NRG4: variants seen among roughly 807,000 people sequenced by gnomAD.
NRG4 encodes neuregulin 4, also known as pro-neuregulin-4, membrane-bound isoform.
In NRG4, 10 loss-of-function variants were observed where a neutral mutation model predicts 15.0. That is an observed-to-expected ratio of 0.67 (90% CI 0.41 to 1.13). The LOEUF is 1.13. NRG4 is among the 50% of genes most tolerant of loss of function. The pLI, the probability that NRG4 is intolerant of heterozygous loss-of-function variation, is 0.00. For missense variants in NRG4, 139 were observed against 140.2 expected (o/e 0.99, Z 0.04); for synonymous variants, 41 against 50.1 (o/e 0.82, Z 0.77).
intron 4 of NRG4, among the ~76,000 whole-genome samples, chr15:76,045,388 T>C (rs912998938): frequency 6.6e-6 from 1 of 150,800 alleles, no homozygotes; most frequent in African/African-American, 2.5e-5. Context: ...AAACTAAAAA[T>C]AGGGCTACCA....
chr15:75,980,155 C>A (rs2033547845), intron 3 of NRG4, among the ~76,000 whole-genome samples: 1 of 151,966 alleles, frequency 6.6e-6, no homozygotes, highest in Non-Finnish European at 1.5e-5. Flanking sequence ...TAGAATTGAA[C>A]AAGAACCATG....
chr15:76,058,193 A>G (rs1328343602), intron 1 of NRG4, among the ~76,000 whole-genome samples: 1 of 152,184 alleles, frequency 6.6e-6, no homozygotes, highest in Admixed American at 6.5e-5. Context: ...AGAAAACTAT[A>G]GCTCCCCTCC....
chr15:76,019,272 TG>T (rs1020835748), intron 5 of NRG4, among the ~76,000 whole-genome samples: 1 of 151,990 alleles, frequency 6.6e-6, no homozygotes, highest in Non-Finnish European at 1.5e-5. Flanking sequence ...CTGGGCTCCG[TG>T]GGGGTGGGAT....
chr15:75,964,755 C>T (rs541442685), intron 3 of NRG4, among the ~76,000 whole-genome samples: 2 of 151,596 alleles, frequency 1.3e-5, no homozygotes, highest in Non-Finnish European at 1.5e-5. Flanking sequence ...GTAGAGACAC[C>T]GTCTCTACAA....
chr15:76,021,763 C>A (rs1320061885), intron 5 of NRG4, among the ~76,000 whole-genome samples: 1 of 152,106 alleles, frequency 6.6e-6, no homozygotes, highest in South Asian at 2.1e-4. Flanking sequence ...ATTTTTTGCA[C>A]CATGCAAATA....
At chr15:76,034,711 C>T (rs181779163) in intron 5 of NRG4, among the ~76,000 whole-genome samples, 3 of 152,040 alleles carry the variant, frequency 2.0e-5, no homozygotes, top group Admixed American at 6.5e-5. Context: ...AGACTTGAGG[C>T]AATTCTAACA....
chr15:76,049,745 A>G (rs543748137), intron 4 of NRG4, among the ~76,000 whole-genome samples: 1 of 150,854 alleles, frequency 6.6e-6, no homozygotes, highest in Non-Finnish European at 1.5e-5. Context: ...TCAGATTACC[A>G]TACTGTAGCC....
intron 3 of NRG4, among the ~76,000 whole-genome samples, chr15:75,990,678 T>TG (rs1043430257): frequency 9.1e-4 from 134 of 147,508 alleles, no homozygotes; most frequent in African/African-American, 3.4e-3. Flanking sequence ...ATTGTTTTTT[T>TG]TTTTTGTTTT....
At chr15:76,033,242 AGTTT>A (rs745499138) in intron 5 of NRG4, among the ~76,000 whole-genome samples, 8 of 152,094 alleles carry the variant, frequency 5.3e-5, no homozygotes, top group Non-Finnish European at 1.0e-4. Context: ...GTTTTGTTTT[AGTTT>A]GTTTGTTTTT....
At chr15:76,038,029 T>C (rs2035636957) in intron 4 of NRG4, among the ~76,000 whole-genome samples, 1 of 152,048 alleles carries the variant, frequency 6.6e-6, no homozygotes, top group Non-Finnish European at 1.5e-5. Context: ...ACTGATTCCT[T>C]GAAGGGAAGG....
At chr15:76,048,711 T>A (rs2035931224) in intron 4 of NRG4, among the ~76,000 whole-genome samples, 1 of 150,532 alleles carries the variant, frequency 6.6e-6, no homozygotes. Context: ...TCTAAAGACT[T>A]CCTATGCCCT....
chr15:75,956,061 G>T, intron 4 of NRG4, 50 bp from the exon 5 acceptor site: 2 of 1,084,838 alleles, frequency 1.8e-6, no homozygotes, highest in South Asian at 1.3e-5. Context: ...AATAGGAAAA[G>T]CATGTCAGAA....
intron 3 of NRG4, among the ~76,000 whole-genome samples, chr15:75,985,230 T>C (rs1334780411): frequency 6.6e-6 from 1 of 152,130 alleles, no homozygotes; most frequent in African/African-American, 2.4e-5. Context: ...ACTCAATACA[T>C]AGTTTTACCC....
rs548243867 is a variant in NRG4 at position 76,035,768 on chromosome 15, C to G, written c.-57+176G>C. 5.9e-5 allele frequency among the ~76,000 whole-genome samples: 9 copies of G among 152,280 alleles called. No homozygotes were observed. The South Asian group carries it at 1.9e-3, about 32-fold the overall frequency. ...CTAAAATACCCATGTTTGTTAACAA[C>G]TGTTTCTATGGCAGCAGAGCCCCTG... is the stretch of plus-strand genomic sequence containing the variant. On this transcript the variant is annotated intron_variant, in intron 5 of 8. Transcript: ENST00000563910.
intron 4 of NRG4, among the ~76,000 whole-genome samples, chr15:76,036,680 T>C (rs760875266): frequency 6.6e-6 from 1 of 152,222 alleles, no homozygotes; most frequent in Non-Finnish European, 1.5e-5. Context: ...AATTAATTTA[T>C]ACATGTAAAA....
intron 3 of NRG4, among the ~76,000 whole-genome samples, chr15:76,000,876 A>G (rs2034389579): frequency 1.3e-5 from 2 of 152,260 alleles, no homozygotes; most frequent in Non-Finnish European, 2.9e-5. Context: ...GCCATATATT[A>G]AAATGAGCAG....
chr15:76,058,882 A>T (rs1181611461), intron 1 of NRG4, among the ~76,000 whole-genome samples: 1 of 152,182 alleles, frequency 6.6e-6, no homozygotes, highest in Non-Finnish European at 1.5e-5. Flanking sequence ...GCAAACATTA[A>T]TTAGAGTAGT....
At chr15:75,958,202 C>T (rs548627202) in intron 4 of NRG4, among the ~76,000 whole-genome samples, 8 of 152,024 alleles carry the variant, frequency 5.3e-5, no homozygotes, top group South Asian at 4.2e-4. Context: ...TTAGTAGAGA[C>T]GGGGTTTCAC....
intron 5 of NRG4, among the ~76,000 whole-genome samples, chr15:76,031,665 T>C (rs908228841): frequency 6.6e-6 from 1 of 152,028 alleles, no homozygotes; most frequent in Non-Finnish European, 1.5e-5. Context: ...ACTCCAGCAC[T>C]CCAGCCTGGG....
Sources: allele counts gnomAD v4.1 joint callset (sites outside exome capture counted in the v4.1 genomes callset), GRCh38; gene constraint gnomAD v4.1.1; transcripts MANE v1.5; gene names NCBI Gene and HGNC (gene_info 2026-07-23, HGNC 2026-07-21).